The following SPMIP2 variants were observed in gnomAD, a reference collection of about 807,000 sequenced individuals.
SPMIP2 encodes the protein sperm microtubule inner protein 2.
the SPMIP2 span, among the ~76,000 whole-genome samples, chr4:158,997,231 C>CTTTTT: frequency 7.4e-6 from 1 of 135,890 alleles, no homozygotes; most frequent in Non-Finnish European, 1.6e-5. Flanking sequence ...GTGAATATGG[C>CTTTTT]TTTTTTTTTT....
the SPMIP2 span, among the ~76,000 whole-genome samples, chr4:158,979,969 C>T: frequency 1.4e-4 from 21 of 152,086 alleles, no homozygotes; most frequent in Non-Finnish European, 2.1e-4. Context: ...TTCTTGCTGT[C>T]GGCACGGCAG....
At chr4:158,999,063 T>C in the SPMIP2 span, among the ~76,000 whole-genome samples, 1 of 151,266 alleles carries the variant, frequency 6.6e-6, no homozygotes, top group Non-Finnish European at 1.5e-5. Context: ...ACTTGAGAGG[T>C]TGAGGCTGGA....
At chr4:158,990,303 G>T in the SPMIP2 span, among the ~76,000 whole-genome samples, 1 of 152,216 alleles carries the variant, frequency 6.6e-6, no homozygotes, top group East Asian at 1.9e-4. Context: ...TTCAACTATT[G>T]TGGAAGACAG....
At chr4:158,977,739 G>A in the SPMIP2 span, among the ~76,000 whole-genome samples, 13 of 150,700 alleles carry the variant, frequency 8.6e-5, no homozygotes, top group Middle Eastern at 3.4e-3. Flanking sequence ...CTCAGCCTCC[G>A]GAGTAGCTGG....
At chr4:158,969,642 T>G in the SPMIP2 span, among the ~76,000 whole-genome samples, 3 of 152,180 alleles carry the variant, frequency 2.0e-5, no homozygotes, top group African/African-American at 7.2e-5. Context: ...CCAGATGATC[T>G]GCAGAACCCC....
the SPMIP2 span, among the ~76,000 whole-genome samples, chr4:158,934,011 T>C: frequency 3.3e-5 from 5 of 152,226 alleles, no homozygotes; most frequent in Non-Finnish European, 7.3e-5. Flanking sequence ...TGCCAGTTGG[T>C]TTATATGTAT....
the SPMIP2 span, among the ~76,000 whole-genome samples, chr4:159,050,824 C>G: frequency 6.6e-6 from 1 of 151,044 alleles, no homozygotes; most frequent in Non-Finnish European, 1.5e-5. Context: ...AAAAAAAAAT[C>G]TTGGCCAGGC....
At chr4:158,932,372 G>C in the SPMIP2 span, among the ~76,000 whole-genome samples, 1 of 152,166 alleles carries the variant, frequency 6.6e-6, no homozygotes, top group Non-Finnish European at 1.5e-5. Context: ...GATCAGCTGA[G>C]GCAGGAGAAT....
At chr4:159,000,494 C>CTT in the SPMIP2 span, among the ~76,000 whole-genome samples, 502 of 129,974 alleles carry the variant, frequency 3.9e-3, 3 homozygotes, top group African/African-American at 7.5e-3. Context: ...TCTTCTTCTT[C>CTT]TTTTTTTTTT....
the SPMIP2 span, among the ~76,000 whole-genome samples, chr4:159,040,032 C>T: frequency 5.3e-5 from 8 of 152,188 alleles, no homozygotes; most frequent in South Asian, 6.2e-4. Context: ...TTCAAATATC[C>T]TATTATGAAG....
At chr4:159,039,925 G>T in the SPMIP2 span, among the ~76,000 whole-genome samples, 1 of 152,182 alleles carries the variant, frequency 6.6e-6, no homozygotes. Context: ...ATATCTTAAT[G>T]ATATAAAAGT....
At chr4:158,914,315 G>A in the SPMIP2 span, among the ~76,000 whole-genome samples, 1 of 152,164 alleles carries the variant, frequency 6.6e-6, no homozygotes, top group African/African-American at 2.4e-5. Context: ...CTACTGAGGA[G>A]GACAGCTAAG....
chr4:159,009,143 G>A, the SPMIP2 span, among the ~76,000 whole-genome samples: 1 of 152,260 alleles, frequency 6.6e-6, no homozygotes, highest in South Asian at 2.1e-4. Flanking sequence ...CTCTCAAGAA[G>A]GTACAAACAG....
the SPMIP2 span, among the ~76,000 whole-genome samples, chr4:158,946,514 T>C: frequency 1.3e-5 from 2 of 152,150 alleles, no homozygotes; most frequent in Non-Finnish European, 2.9e-5. Context: ...TTTAAAAGTT[T>C]GGCACCTCCC....
the SPMIP2 span, among the ~76,000 whole-genome samples, chr4:158,975,268 G>GT: frequency 2.6e-5 from 4 of 151,864 alleles, no homozygotes; most frequent in African/African-American, 7.3e-5. Flanking sequence ...TCTGATGATA[G>GT]TTTTTTTTTG....
the SPMIP2 span, among the ~76,000 whole-genome samples, chr4:158,962,596 CA>C: frequency 6.6e-6 from 1 of 152,120 alleles, no homozygotes; most frequent in East Asian, 1.9e-4. Flanking sequence ...CCTCAATTTG[CA>C]AAATATTACT....
the SPMIP2 span, among the ~76,000 whole-genome samples, chr4:159,005,952 A>C: frequency 1.3e-5 from 2 of 152,098 alleles, no homozygotes; most frequent in Non-Finnish European, 2.9e-5. Flanking sequence ...TTTAGTAGAG[A>C]CAGAGTTTCG....
At chr4:159,040,711 C>T in the SPMIP2 span, among the ~76,000 whole-genome samples, 7 of 152,316 alleles carry the variant, frequency 4.6e-5, no homozygotes, top group East Asian at 1.2e-3. Context: ...AGATATCCTC[C>T]TACCTCAGCC....
the SPMIP2 span, among the ~76,000 whole-genome samples, chr4:158,938,688 C>T: frequency 3.3e-5 from 5 of 152,212 alleles, no homozygotes; most frequent in Admixed American, 3.3e-4. Flanking sequence ...ACCAGTCATG[C>T]ACTCTAAATC....
Sources: allele counts gnomAD v4.1 joint callset (sites outside exome capture counted in the v4.1 genomes callset), GRCh38; gene constraint gnomAD v4.1.1; transcripts MANE v1.5; gene names NCBI Gene and HGNC (gene_info 2026-07-23, HGNC 2026-07-21).